The following ELMO1 variants were observed in gnomAD, a reference collection of about 807,000 sequenced individuals.
ELMO1 encodes the protein engulfment and cell motility 1.
In ELMO1, 26 loss-of-function variants were observed where a neutral mutation model predicts 98.9. The observed-to-expected ratio is 0.26, with a 90% CI of 0.19 to 0.36. ELMO1 has a LOEUF of 0.36. ELMO1 is among the 10% of genes least tolerant of loss of function. The probability of loss-of-function intolerance (pLI) is 1.00; values close to 1 mark genes in which losing one functional copy is unlikely to be tolerated. For synonymous variants in ELMO1, 346 were observed against 346.0 expected, an observed-to-expected ratio of 1.00 and a Z score of 0.00; for missense variants, 627 against 935.2, an observed-to-expected ratio of 0.67 and a Z score of 4.30.
chr7:37,090,160 G>A (rs542671102), intron 15 of ELMO1, among the ~76,000 whole-genome samples: 2 of 129,334 alleles, frequency 1.5e-5, no homozygotes, highest in South Asian at 2.5e-4. Context: ...TGACATCACC[G>A]GACAGGTATG....
At chr7:36,899,684 C>CTTTTTTTTTTTTTTTTTTTTTTTT (rs10522661) in intron 16 of ELMO1, among the ~76,000 whole-genome samples, 1,082 of 63,620 alleles carry the variant, frequency 0.017, 338 homozygotes, top group Middle Eastern at 0.043. Flanking sequence ...CTTTACTCAT[C>CTTTTTTTTTTTTTTTTTTTTTTTT]TTTTTTTTTT....
intron 16 of ELMO1, among the ~76,000 whole-genome samples, chr7:37,003,472 G>A (rs1248549006): frequency 6.6e-6 from 1 of 152,214 alleles, no homozygotes; most frequent in African/African-American, 2.4e-5. Flanking sequence ...CTTCGGACCT[G>A]TCTGACTTAA....
intron 16 of ELMO1, among the ~76,000 whole-genome samples, chr7:36,906,012 G>A (rs1783933650): frequency 6.6e-6 from 1 of 152,214 alleles, no homozygotes; most frequent in African/African-American, 2.4e-5. Flanking sequence ...CTCTGGAAAG[G>A]AGATTTGATA....
chr7:37,296,609 G>A (rs896606856), intron 4 of ELMO1, among the ~76,000 whole-genome samples: 2 of 152,048 alleles, frequency 1.3e-5, no homozygotes, highest in Non-Finnish European at 1.5e-5. Flanking sequence ...GATTAGATGG[G>A]TGTGTAACAC....
rs527580087 is a variant in ELMO1, at chr7:37,379,398, C to G, written c.-73-36635G>C. Among the ~76,000 whole-genome samples, 48 of 152,246 alleles carry G rather than the reference C, an allele frequency of 3.2e-4. 2 individuals carry two copies. The highest frequency in any genetic ancestry group is 1.0e-3 in the African/African-American group (43 of 41,544). On this transcript the variant is annotated intron_variant, in intron 1 of 21. Transcript: ENST00000310758. The stretch of plus-strand genomic sequence containing the variant: ...CCACTAAGATCTTCCTTGAAGGGGT[C>G]AGGCTCTAGACTACCTCATTCTCCA...
At chr7:37,092,000 T>C (rs944344414) in intron 15 of ELMO1, among the ~76,000 whole-genome samples, 2 of 152,098 alleles carry the variant, frequency 1.3e-5, no homozygotes, top group Non-Finnish European at 2.9e-5. Flanking sequence ...AAGATGAGAT[T>C]TGGGTGGGGA....
rs185694130 is a variant in ELMO1, at chr7:37,204,485, C to T, written c.1086+6901G>A. 4.2e-4 allele frequency among the ~76,000 whole-genome samples: 64 copies of T among 152,244 alleles called. 1 individual carries two copies. The highest frequency in any genetic ancestry group is 8.2e-4 in the African/African-American group (34 of 41,546). On this transcript the variant is annotated intron_variant, in intron 13 of 21. Coordinates refer to ENST00000310758, the MANE Select transcript of ELMO1 (RefSeq NM_014800.11). ...CTGCAGACCTTCGCGGTGAGTGTTA[C>T]ACCTCATAAAGGCGGCACAGACCCA...
intron 16 of ELMO1, among the ~76,000 whole-genome samples, chr7:36,952,267 C>T (rs1463581899): frequency 6.6e-6 from 1 of 152,142 alleles, no homozygotes; most frequent in East Asian, 1.9e-4. Flanking sequence ...CATCAGAGGC[C>T]CTTTAATGTT....
At chr7:37,421,824 T>A (rs1355225142) in intron 1 of ELMO1, among the ~76,000 whole-genome samples, 2 of 152,034 alleles carry the variant, frequency 1.3e-5, no homozygotes, top group Admixed American at 1.3e-4. Flanking sequence ...GCCAAAAGGG[T>A]TAACCATTTT....
intron 13 of ELMO1, chr7:37,204,287 T>G (rs191593455): frequency 1.1e-4 from 48 of 450,630 alleles, no homozygotes; most frequent in African/African-American, 8.6e-4. Flanking sequence ...TTGTTCCTTC[T>G]GATGTTCGGA....
intron 1 of ELMO1, among the ~76,000 whole-genome samples, chr7:37,430,494 C>T (rs1253465227): frequency 3.9e-5 from 6 of 152,174 alleles, no homozygotes; most frequent in South Asian, 2.1e-4. Context: ...TTCTCTGAAC[C>T]GACCAAAAAC....
At chr7:37,219,059 C>T (rs1252987568) in intron 10 of ELMO1, among the ~76,000 whole-genome samples, 2 of 152,170 alleles carry the variant, frequency 1.3e-5, no homozygotes, top group African/African-American at 2.4e-5. Flanking sequence ...CAGCAACCTC[C>T]TCCCCGACAA....
chr7:37,185,946 G>A (rs1453266235), intron 13 of ELMO1, among the ~76,000 whole-genome samples: 2 of 152,140 alleles, frequency 1.3e-5, no homozygotes, highest in African/African-American at 4.8e-5. Context: ...GCTGACTTCT[G>A]CGTAGAAATC....
intron 11 of ELMO1, among the ~76,000 whole-genome samples, chr7:37,213,861 T>C (rs1446640440): frequency 1.3e-5 from 2 of 152,206 alleles, no homozygotes; most frequent in African/African-American, 4.8e-5. Flanking sequence ...TTTGCCATTA[T>C]CTTACCCTGG....
At chr7:37,223,296 T>G (rs11977609) in intron 9 of ELMO1, among the ~76,000 whole-genome samples, 44,051 of 152,086 alleles carry the variant, frequency 0.29, 7,217 homozygotes, top group African/African-American at 0.44. Context: ...TAAGGAGGAC[T>G]CAAGGCATAA....
At chr7:37,020,798 T>C (rs1041797061) in intron 15 of ELMO1, among the ~76,000 whole-genome samples, 2 of 152,198 alleles carry the variant, frequency 1.3e-5, no homozygotes, top group Non-Finnish European at 2.9e-5. Context: ...ACACACGCAC[T>C]GGCCTAACAC....
chr7:37,298,541 A>G (rs1288692691), intron 4 of ELMO1, among the ~76,000 whole-genome samples: 3 of 147,840 alleles, frequency 2.0e-5, no homozygotes, highest in Non-Finnish European at 4.5e-5. Flanking sequence ...CCTATGAGTG[A>G]GAATATGCGG....
At chr7:36,971,592 A>G (rs1004691901) in intron 16 of ELMO1, among the ~76,000 whole-genome samples, 3 of 152,232 alleles carry the variant, frequency 2.0e-5, no homozygotes, top group African/African-American at 7.2e-5. Flanking sequence ...CCACTGATTC[A>G]GAAAAGCAGT....
intron 7 of ELMO1, among the ~76,000 whole-genome samples, chr7:37,242,804 C>CT (rs1181706783): frequency 6.6e-6 from 1 of 152,204 alleles, no homozygotes; most frequent in Non-Finnish European, 1.5e-5. Context: ...TAGCTAGCTG[C>CT]TCTGCAGTCC....
Sources: allele counts gnomAD v4.1 joint callset (sites outside exome capture counted in the v4.1 genomes callset), GRCh38; gene constraint gnomAD v4.1.1; transcripts MANE v1.5; gene names NCBI Gene and HGNC (gene_info 2026-07-23, HGNC 2026-07-21).